The following STRN3 variants were observed in gnomAD, a reference collection of about 807,000 sequenced individuals.
The protein encoded by STRN3 is striatin-3.
In STRN3, 29 loss-of-function variants were observed where a neutral mutation model predicts 95.6. That is an observed-to-expected ratio of 0.30 (90% CI 0.23 to 0.41). The LOEUF (loss-of-function observed/expected upper bound fraction) is 0.41, where lower values mean the gene tolerates loss of function less well. STRN3 is among the 10% of genes least tolerant of loss of function. The probability of loss-of-function intolerance (pLI) is 1.00; values close to 1 mark genes in which losing one functional copy is unlikely to be tolerated. For missense variants in STRN3, 890 were observed against 972.1 expected (o/e 0.92, Z 1.12); for synonymous variants, 331 against 357.6 (o/e 0.93, Z 0.84).
At chr14:30,927,846 T>C (rs909213835) in intron 8 of STRN3, among the ~76,000 whole-genome samples, 5 of 146,222 alleles carry the variant, frequency 3.4e-5, no homozygotes, top group African/African-American at 7.7e-5. Flanking sequence ...GGCCGAAGAA[T>C]TGCTTGAACC....
At chr14:30,960,573 T>TA (rs2139159130) in intron 1 of STRN3, among the ~76,000 whole-genome samples, 1 of 152,122 alleles carries the variant, frequency 6.6e-6, no homozygotes, top group African/African-American at 2.4e-5. Flanking sequence ...AAATGTGGGC[T>TA]AAAAATGAAA....
chr14:30,950,953 T>C lies in STRN3; in HGVS notation c.461-9A>G. On this transcript the variant is annotated splice_polypyrimidine_tract_variant and intron_variant, in intron 3 of 17. Coordinates refer to ENST00000357479, the MANE Select transcript of STRN3 (RefSeq NM_001083893.2). ...TGTGTCTTTGGTTTCTTCTAAAAAT[T>C]AAGAAAAAAAAAGTTTTACATACTT... 1 of 1,603,370 alleles carries C rather than the reference T, an allele frequency of 6.2e-7. No homozygotes were observed. The highest frequency in any genetic ancestry group is 8.5e-7 in the Non-Finnish European group (1 of 1,177,308).
At chr14:30,918,271 C>G (rs1284061479) in intron 9 of STRN3, among the ~76,000 whole-genome samples, 1 of 152,090 alleles carries the variant, frequency 6.6e-6, no homozygotes, top group East Asian at 1.9e-4. Context: ...GCCTTGGGAG[C>G]CAAGGTAGGC....
chr14:30,968,761 A>AC (rs1361077305), intron 1 of STRN3, among the ~76,000 whole-genome samples: 1 of 151,870 alleles, frequency 6.6e-6, no homozygotes, highest in Non-Finnish European at 1.5e-5. Flanking sequence ...TGGAGAAAAA[A>AC]AAGGTTATAA....
At chr14:31,011,891 C>A (rs555532150) in intron 1 of STRN3, among the ~76,000 whole-genome samples, 13 of 152,024 alleles carry the variant, frequency 8.6e-5, no homozygotes, top group Non-Finnish European at 1.6e-4. Context: ...ACCAGCCTGA[C>A]CAACATGGTG....
intron 3 of STRN3, 33 bp downstream of exon 3, chr14:30,955,584 TAAA>T: frequency 1.6e-5 from 20 of 1,267,200 alleles, no homozygotes; most frequent in South Asian, 2.9e-5. Flanking sequence ...AAAAATGAAT[TAAA>T]AAAAAAAAAA....
At chr14:30,981,517 A>G (rs947637362) in intron 1 of STRN3, among the ~76,000 whole-genome samples, 18 of 152,016 alleles carry the variant, frequency 1.2e-4, no homozygotes, top group South Asian at 4.1e-4. Context: ...AATAAAAACC[A>G]TATCACACAA....
At chr14:31,019,750 A>C (rs77773593) in intron 1 of STRN3, among the ~76,000 whole-genome samples, 5,027 of 152,242 alleles carry the variant, frequency 0.033, 291 homozygotes, top group African/African-American at 0.12. Context: ...GCTCCACAGC[A>C]TTCATAATAT....
In STRN3 at chr14:30,986,104, T is replaced by C. The variant is rs573338281; in HGVS notation, c.283-29862A>G. Among the ~76,000 whole-genome samples the C allele has an allele frequency of 2.6e-5, 4 of 152,330 alleles. No individual in the cohort carries two copies. In the East Asian group the frequency reaches 7.7e-4, roughly 29 times the overall value. ...TTAAAAAAAGAATGAGAATGATCTT[T>C]CTATGAAAGGAGTGAAGGTATAAAA... On this transcript the variant is annotated intron_variant, in intron 1 of 17. Transcript: ENST00000357479.
chr14:30,929,967 A>AGAAAAAAAAAAAAAAAC (rs1002618519), intron 7 of STRN3, among the ~76,000 whole-genome samples: 1 of 91,122 alleles, frequency 1.1e-5, no homozygotes, highest in East Asian at 3.2e-4. Context: ...AAAAAAAAAA[A>AGAAAAAAAAAAAAAAAC]AAAAAAAAAA....
At chr14:30,917,460 G>A (rs1246339539) in intron 9 of STRN3, among the ~76,000 whole-genome samples, 1 of 151,194 alleles carries the variant, frequency 6.6e-6, no homozygotes, top group Non-Finnish European at 1.5e-5. Flanking sequence ...CACTTTAAAT[G>A]TACATTAATT....
chr14:30,995,536 AG>A (rs1174097341), intron 1 of STRN3, among the ~76,000 whole-genome samples: 2 of 152,220 alleles, frequency 1.3e-5, no homozygotes, highest in Non-Finnish European at 2.9e-5. Flanking sequence ...CCTTCTGATT[AG>A]GATTTCAGGA....
chr14:30,898,099 C>T (rs1450045750), intron 16 of STRN3, among the ~76,000 whole-genome samples: 1 of 152,186 alleles, frequency 6.6e-6, no homozygotes, highest in Non-Finnish European at 1.5e-5. Flanking sequence ...AAGCAACCCT[C>T]TCACTTAACT....
chr14:30,906,847 A>G, intron 14 of STRN3, 30 bp downstream of exon 14: 2 of 1,590,048 alleles, frequency 1.3e-6, no homozygotes, highest in African/African-American at 2.7e-5. Context: ...AAAAAAACTA[A>G]CTTTTCTCAC....
chr14:30,902,163 C>T lies in STRN3; in HGVS notation c.2137+373G>A, dbSNP rs911290941. ...ACCAGCCTGGGCAACAAGAGCAAAA[C>T]TCCGCCTCAAAAAAAAAAAAAAAAA... On this transcript the variant is annotated intron_variant, in intron 16 of 17. Transcript: ENST00000357479. 5.8e-5 allele frequency among the ~76,000 whole-genome samples: 4 copies of T among 69,264 alleles called. No homozygotes were observed. The Admixed American group carries it at 7.7e-4, about 13-fold the overall frequency. The allele number at this position is 69,264 out of a possible 152,430, so 45.4% of individuals were successfully genotyped here. A position where few individuals can be genotyped will look rare whatever the true frequency, so the allele number is the denominator to read the frequency against.
chr14:30,937,721 C>A (rs1328051208), intron 5 of STRN3, among the ~76,000 whole-genome samples: 2 of 152,154 alleles, frequency 1.3e-5, no homozygotes, highest in Admixed American at 1.3e-4. Context: ...GCCTCAATTT[C>A]TTTACCTGTA....
At chr14:30,918,860 TA>T in intron 9 of STRN3, 105 bp downstream of exon 9, 1 of 1,189,170 alleles carries the variant, frequency 8.4e-7, no homozygotes, top group South Asian at 2.7e-5. Context: ...AAAGATCATA[TA>T]AAATGATCAT....
At chr14:30,952,233 G>GT (rs1221587231) in intron 3 of STRN3, among the ~76,000 whole-genome samples, 1 of 151,938 alleles carries the variant, frequency 6.6e-6, no homozygotes, top group Non-Finnish European at 1.5e-5. Context: ...ATACTTCCCC[G>GT]TAAGTTCCCA....
intron 5 of STRN3, among the ~76,000 whole-genome samples, chr14:30,939,392 G>A (rs1005808614): frequency 1.3e-5 from 2 of 152,136 alleles, no homozygotes; most frequent in African/African-American, 4.8e-5. Flanking sequence ...ATTAAGGAAC[G>A]CAGTCTGGAG....
Sources: gnomAD v4.1 joint callset for allele counts (sites outside exome capture counted in the v4.1 genomes callset) on GRCh38, gnomAD v4.1.1 for gene constraint, MANE v1.5 for transcripts, NCBI Gene and HGNC (gene_info 2026-07-23, HGNC 2026-07-21) for gene names.